Variants in JAKMIP1 observed in about 807,000 individuals in gnomAD.
JAKMIP1 encodes janus kinase and microtubule-interacting protein 1.
Under a neutral mutation model 113.0 loss-of-function variants are expected in JAKMIP1, and 33 were observed. The ratio of observed to expected loss-of-function variants is 0.29; its 90% CI spans 0.22 to 0.39. The LOEUF (loss-of-function observed/expected upper bound fraction) is 0.39, where lower values mean the gene tolerates loss of function less well. Ranked by LOEUF, JAKMIP1 falls within the 10% of genes least tolerant of loss-of-function variation. The pLI is 1.00. For missense variants in JAKMIP1, 813 were observed against 1,080.5 expected (o/e 0.75, Z 3.47); for synonymous variants, 480 against 459.9 (o/e 1.04, Z -0.56).
At chr4:6,166,709 C>A (rs1434492336) in intron 1 of JAKMIP1, among the ~76,000 whole-genome samples, 1 of 152,228 alleles carries the variant, frequency 6.6e-6, no homozygotes, top group Non-Finnish European at 1.5e-5. Context: ...ACGAGCAGCA[C>A]CATCTACAGA....
At chr4:6,026,358 C>T (rs1711796947) in intron 20 of JAKMIP1, 80 bp from the exon 21 acceptor site, 1 of 736,840 alleles carries the variant, frequency 1.4e-6, no homozygotes, top group African/African-American at 1.8e-5. Flanking sequence ...TAGTATGGAA[C>T]TCAATGACAG....
At position 6,049,088 on chromosome 4, in the gene JAKMIP1, T is replaced by G. The variant is rs1715344374; in HGVS notation, c.1963-166A>C. Among the ~76,000 whole-genome samples, 1 of 152,174 alleles carries G rather than the reference T, an allele frequency of 6.6e-6. No homozygotes were observed. Among genetic ancestry groups the G allele is most frequent in the African/African-American group, 2.4e-5 (1 of 41,448 alleles). ...TGTCACCTGGGTTTGAGTGCAGTGG[T>G]GTGATCTCGGCTCACTGTAACCTCT... On this transcript the variant is annotated intron_variant, in intron 15 of 20. Transcript: ENST00000409021. The surrounding 1 kb of genome is among the most constrained non-coding windows in gnomAD (Gnocchi z 7.0).
Position 6,157,650 on chromosome 4 carries a change from G to A in JAKMIP1, c.-148+42603C>T, listed in dbSNP as rs115398116. On this transcript the variant is annotated intron_variant, in intron 1 of 20. Transcript: ENST00000409021. This position sits in a 1 kb window ranked among gnomAD's most constrained non-coding sequence, Gnocchi z 4.7. ...TCCCAGCTCAGCCATCTTCCCCAGC[G>A]TAGCCCTGGACATGCTACCTAACCC... Among the ~76,000 whole-genome samples, 470 of 152,156 alleles carry A rather than the reference G, an allele frequency of 3.1e-3. 4 individuals carry two copies. The highest frequency in any genetic ancestry group is 0.011 in the African/African-American group (443 of 41,522).
intron 8 of JAKMIP1, among the ~76,000 whole-genome samples, chr4:6,077,660 T>G (rs555881488): frequency 4.0e-5 from 6 of 151,896 alleles, no homozygotes; most frequent in African/African-American, 1.4e-4. Flanking sequence ...TTTTTTTAAT[T>G]TTTTGTAGAG....
chr4:6,066,019 C>T (rs562015462), intron 8 of JAKMIP1, among the ~76,000 whole-genome samples: 3 of 152,074 alleles, frequency 2.0e-5, no homozygotes, highest in South Asian at 2.1e-4. Flanking sequence ...AAACAGCCCC[C>T]GACAAGGATT....
intron 1 of JAKMIP1, among the ~76,000 whole-genome samples, chr4:6,177,309 G>A (rs1725458755): frequency 6.6e-6 from 1 of 152,192 alleles, no homozygotes; most frequent in African/African-American, 2.4e-5. Flanking sequence ...AGTCCAGGGA[G>A]GGTGGGGCTA....
chr4:6,062,577 G>A lies in JAKMIP1; in HGVS notation c.1432-137C>T, dbSNP rs1578127488. 20 of 917,496 alleles carry A rather than the reference G, an allele frequency of 2.2e-5. No individual in the cohort carries two copies. The East Asian group carries it at 4.3e-4, about 20-fold the overall frequency. The allele number at this position is 917,496 out of a possible 1,614,324, so 56.8% of individuals were successfully genotyped here. ...GCCAGGGTCAACTTAGACATCAAAC[G>A]ACCACATCTCACAGTGCTGCCAACA... On this transcript the variant is annotated intron_variant, in intron 9 of 20. Transcript: ENST00000409021.
At chr4:6,164,669 T>C (rs2109008896) in intron 1 of JAKMIP1, among the ~76,000 whole-genome samples, 1 of 152,356 alleles carries the variant, frequency 6.6e-6, no homozygotes, top group South Asian at 2.1e-4. Flanking sequence ...TCATGATTCA[T>C]GAGAAGAGGT....
At chr4:6,082,017 A>G (rs559020188) in intron 5 of JAKMIP1, among the ~76,000 whole-genome samples, 21 of 152,208 alleles carry the variant, frequency 1.4e-4, no homozygotes, top group Admixed American at 2.6e-4. Context: ...TCCCAGTGTT[A>G]TTTTCATGGA....
chr4:6,067,594 T>C lies in JAKMIP1; in HGVS notation c.1303-2586A>G, dbSNP rs72488932. 0.1 allele frequency among the ~76,000 whole-genome samples: 14,923 copies of C among 143,654 alleles called. 748 individuals carry two copies. The highest frequency in any genetic ancestry group is 0.17 in the African/African-American group (6,079 of 36,778). 94.2% of individuals were successfully genotyped at this position (143,654 alleles called of 152,430 possible). A position where few individuals can be genotyped will look rare whatever the true frequency, so the allele number is the denominator to read the frequency against. On this transcript the variant is annotated intron_variant, in intron 8 of 20. Transcript: ENST00000409021. The surrounding 1 kb of genome is among the most constrained non-coding windows in gnomAD (Gnocchi z 4.6). ...TGCATCTGCAGCACTCAAGCTCTTC[T>C]GCACACACAGGTCACCCCCCTGAGC...
intron 18 of JAKMIP1, among the ~76,000 whole-genome samples, chr4:6,036,811 A>G (rs1371487147): frequency 6.6e-6 from 1 of 152,236 alleles, no homozygotes; most frequent in Non-Finnish European, 1.5e-5. Context: ...CTCCACCCAC[A>G]TTCCTTACTA....
At chr4:6,123,939 T>C (rs1399378020) in intron 1 of JAKMIP1, among the ~76,000 whole-genome samples, 1 of 152,218 alleles carries the variant, frequency 6.6e-6, no homozygotes, top group Non-Finnish European at 1.5e-5. Context: ...TTTATACTGA[T>C]GCAAAATAGT....
At chr4:6,182,871 C>T (rs1478189118) in intron 1 of JAKMIP1, among the ~76,000 whole-genome samples, 2 of 152,308 alleles carry the variant, frequency 1.3e-5, no homozygotes, top group East Asian at 3.9e-4. Context: ...CCACAGCCAT[C>T]CCGAGGAAGA....
At chr4:6,100,312 T>C (rs55650943) in intron 3 of JAKMIP1, among the ~76,000 whole-genome samples, 66,263 of 152,048 alleles carry the variant, frequency 0.44, 16,689 homozygotes, top group Admixed American at 0.61. Context: ...GGAGATTTCA[T>C]ACAAATGCAA....
intron 2 of JAKMIP1, among the ~76,000 whole-genome samples, chr4:6,107,659 A>T (rs142982814): frequency 3.9e-5 from 6 of 152,264 alleles, no homozygotes; most frequent in African/African-American, 1.4e-4. Flanking sequence ...CTGAATCTCC[A>T]GCCTGCTGGT....
rs1714191223 is a variant in JAKMIP1, at chr4:6,040,705, G to A, written c.2109C>T (p.Ser703=). 6.2e-7 allele frequency: 1 copy of A among 1,613,232 alleles called. No individual in the cohort carries two copies. The highest frequency in any genetic ancestry group is 8.5e-7 in the Non-Finnish European group (1 of 1,179,518). ...CCTCTTCCAGGTAGCCCTTCTGCCT[G>A]CTGAACAGGTCCTGAGAAAGAGGGA... is the stretch of plus-strand genomic sequence containing the variant. ...LDLEKEKDLF[S]RQKGYLEEEL... The change falls in exon 18 of 21, where the codon AGC becomes AGT. Residue 703 remains serine (S), a synonymous_variant. Transcript: ENST00000409021. The surrounding 1 kb of genome is among the most constrained non-coding windows in gnomAD (Gnocchi z 5.8).
chr4:6,191,879 G>A (rs1235625490), intron 1 of JAKMIP1, among the ~76,000 whole-genome samples: 10 of 147,126 alleles, frequency 6.8e-5, no homozygotes, highest in East Asian at 2.0e-4. Context: ...TTTACATTCC[G>A]TTTTTTTCAT....
chr4:6,104,227 G>T (rs1000575067), intron 3 of JAKMIP1, among the ~76,000 whole-genome samples: 1 of 152,242 alleles, frequency 6.6e-6, no homozygotes, highest in Non-Finnish European at 1.5e-5. Flanking sequence ...GGTTAATTGT[G>T]TTGGTGAAAT....
Position 6,193,198 on chromosome 4 carries a change from C to T in JAKMIP1, c.-148+7055G>A, listed in dbSNP as rs1727468623. On this transcript the variant is annotated intron_variant, in intron 1 of 20. Transcript: ENST00000409021. This position sits in a 1 kb window ranked among gnomAD's most constrained non-coding sequence, Gnocchi z 6.4. ...TTCAGCTTTTGGACTCTTGGACCTA[C>T]ACCAGTGGTTTGCCAGGGGCTCTAA... Among the ~76,000 whole-genome samples the T allele has an allele frequency of 6.6e-6, 1 of 152,184 alleles. No homozygotes were observed. Among genetic ancestry groups the T allele is most frequent in the South Asian group, 2.1e-4 (1 of 4,832 alleles).
Sources: allele counts gnomAD v4.1 joint callset (sites outside exome capture counted in the v4.1 genomes callset), GRCh38; gene constraint gnomAD v4.1.1; non-coding constraint Gnocchi (gnomAD v3.1); transcripts MANE v1.5; gene names NCBI Gene and HGNC (gene_info 2026-07-23, HGNC 2026-07-21).